EXT1: variants seen among roughly 807,000 people sequenced by gnomAD.
EXT1 encodes exostosin-1.
In EXT1, 20 loss-of-function variants were observed where a neutral mutation model predicts 82.5. That is an observed-to-expected ratio of 0.24 (90% CI 0.17 to 0.35). EXT1 has a LOEUF of 0.35. Among genes scored for constraint, EXT1 ranks in the 10% least tolerant of loss-of-function variants. EXT1 has a pLI of 1.00. For missense variants in EXT1, 757 were observed against 936.5 expected, an observed-to-expected ratio of 0.81 and a Z score of 2.50; for synonymous variants, 348 against 350.8, an observed-to-expected ratio of 0.99 and a Z score of 0.09.
At chr8:117,870,849 A>ACACACACACACACACAC (rs1563586218) in intron 1 of EXT1, among the ~76,000 whole-genome samples, 2 of 151,694 alleles carry the variant, frequency 1.3e-5, no homozygotes, top group African/African-American at 4.9e-5. Context: ...ACACACACAC[A>ACACACACACACACACAC]AAAGATTGAA....
intron 1 of EXT1, among the ~76,000 whole-genome samples, chr8:118,094,524 G>C (rs1231443882): frequency 6.6e-6 from 1 of 152,210 alleles, no homozygotes; most frequent in African/African-American, 2.4e-5. Context: ...GGAACAGACA[G>C]AATAATAATG....
chr8:118,092,037 T>TA (rs899645070), intron 1 of EXT1, among the ~76,000 whole-genome samples: 34 of 152,304 alleles, frequency 2.2e-4, no homozygotes, highest in Admixed American at 6.5e-4. Flanking sequence ...ACCTAATTGT[T>TA]ATTCAAGGTT....
chr8:117,808,953 C>T (rs902965827), intron 8 of EXT1, among the ~76,000 whole-genome samples: 14 of 151,800 alleles, frequency 9.2e-5, no homozygotes, highest in Admixed American at 2.0e-4. Flanking sequence ...TTTTGCCTGC[C>T]GGCTGAGCTG....
chr8:117,819,113 G>A (rs941075756), intron 6 of EXT1, among the ~76,000 whole-genome samples: 2 of 152,122 alleles, frequency 1.3e-5, no homozygotes, highest in Admixed American at 1.3e-4. Context: ...TTCTTTCCTT[G>A]TTTGTAAACC....
At chr8:117,860,964 T>C (rs887955909) in intron 1 of EXT1, among the ~76,000 whole-genome samples, 2 of 152,192 alleles carry the variant, frequency 1.3e-5, no homozygotes, top group Non-Finnish European at 2.9e-5. Flanking sequence ...TTAGTCCAAA[T>C]AGGGACGAAC....
In EXT1 at chr8:117,996,573, G is replaced by A. The variant is rs145120170; in HGVS notation, c.962+113512C>T. Among the ~76,000 whole-genome samples, 47 of 152,292 alleles carry A rather than the reference G, an allele frequency of 3.1e-4. 2 individuals are homozygous for A. Among genetic ancestry groups the A allele is most frequent in the Admixed American group, 2.2e-3 (33 of 15,300 alleles). On this transcript the variant is annotated intron_variant, in intron 1 of 10. Coordinates refer to ENST00000378204, the MANE Select transcript of EXT1 (RefSeq NM_000127.3). ...AACAAAGACAAGTCATCTGTGCACC[G>A]TCCTATCTTAATGCTTGGCCCCAGA...
chr8:117,882,695 G>A (rs528788883), intron 1 of EXT1, among the ~76,000 whole-genome samples: 4 of 152,010 alleles, frequency 2.6e-5, no homozygotes, highest in East Asian at 3.9e-4. Flanking sequence ...ATGATATGGC[G>A]GCCAGGCACA....
At chr8:117,969,845 G>A (rs769979108) in intron 1 of EXT1, among the ~76,000 whole-genome samples, 3 of 152,190 alleles carry the variant, frequency 2.0e-5, no homozygotes, top group Non-Finnish European at 2.9e-5. Flanking sequence ...GAATCAGAAC[G>A]GCAGTTCTCC....
At chr8:117,973,359 G>A (rs1814980063) in intron 1 of EXT1, among the ~76,000 whole-genome samples, 1 of 152,152 alleles carries the variant, frequency 6.6e-6, no homozygotes, top group Admixed American at 6.5e-5. Context: ...AGTGTTGTAT[G>A]GGAATATATA....
At chr8:118,056,935 C>T (rs781294490) in intron 1 of EXT1, among the ~76,000 whole-genome samples, 10 of 152,160 alleles carry the variant, frequency 6.6e-5, no homozygotes, top group Non-Finnish European at 1.5e-4. Flanking sequence ...TCACAACCAA[C>T]TATGCCATTA....
chr8:117,940,247 G>A (rs1489766809), intron 1 of EXT1, among the ~76,000 whole-genome samples: 1 of 152,258 alleles, frequency 6.6e-6, no homozygotes, highest in Non-Finnish European at 1.5e-5. Context: ...AGGCTGACTA[G>A]TGAGATGACA....
intron 1 of EXT1, among the ~76,000 whole-genome samples, chr8:117,889,947 G>T (rs1248266522): frequency 6.6e-6 from 1 of 151,968 alleles, no homozygotes; most frequent in East Asian, 1.9e-4. Context: ...GTTTTTATAT[G>T]AAAAAAATGA....
At chr8:118,075,235 T>TG (rs1817184742) in intron 1 of EXT1, among the ~76,000 whole-genome samples, 3 of 152,336 alleles carry the variant, frequency 2.0e-5, no homozygotes, top group Middle Eastern at 3.4e-3. Context: ...TGCACAGTGT[T>TG]GGAGTCTGAC....
Position 117,797,826 on chromosome 8 carries a change from T to C in EXT1, c.*1886A>G, listed in dbSNP as rs1179885410. The C allele has an allele frequency of 1.3e-5, 2 of 152,222 alleles. No individual in the cohort carries two copies. The highest frequency in any genetic ancestry group is 2.9e-5 in the Non-Finnish European group (2 of 68,044). The allele number at this position is 152,222 out of a possible 1,614,324, so 9.4% of individuals were successfully genotyped here. A position where few individuals can be genotyped will look rare whatever the true frequency, so the allele number is the denominator to read the frequency against. On this transcript the variant is annotated 3_prime_UTR_variant, in exon 11 of 11. Coordinates refer to ENST00000378204, the MANE Select transcript of EXT1 (RefSeq NM_000127.3). Reference sequence around the variant, plus strand: ...GGGGAAAATGTCACATGTTTGAGAATGGACTATGGATGGGTCCAATTAGAT... The same window carrying C: ...GGGGAAAATGTCACATGTTTGAGAACGGACTATGGATGGGTCCAATTAGAT...
intron 1 of EXT1, among the ~76,000 whole-genome samples, chr8:117,997,601 C>T (rs1009781331): frequency 1.3e-5 from 2 of 151,974 alleles, no homozygotes; most frequent in African/African-American, 4.8e-5. Context: ...AAGCCACTAA[C>T]TCAAACAGAA....
chr8:118,010,459 C>T (rs945679372), intron 1 of EXT1, among the ~76,000 whole-genome samples: 3 of 151,618 alleles, frequency 2.0e-5, no homozygotes, highest in African/African-American at 7.3e-5. Flanking sequence ...CAAATCTCAT[C>T]AAAACAAGCA....
intron 1 of EXT1, among the ~76,000 whole-genome samples, chr8:117,841,743 C>G (rs767996041): frequency 9.9e-5 from 15 of 151,718 alleles, no homozygotes; most frequent in Non-Finnish European, 1.8e-4. Context: ...AACCTAGACA[C>G]TAGTACCACT....
chr8:118,106,541 C>T (rs944807630), intron 1 of EXT1, among the ~76,000 whole-genome samples: 1 of 152,132 alleles, frequency 6.6e-6, no homozygotes, highest in Non-Finnish European at 1.5e-5. Context: ...AGGGAAATAC[C>T]AAAAAGAATT....
chr8:118,013,418 A>G (rs186203871), intron 1 of EXT1, among the ~76,000 whole-genome samples: 1 of 152,302 alleles, frequency 6.6e-6, no homozygotes, highest in Non-Finnish European at 1.5e-5. Flanking sequence ...CATGTTGGCC[A>G]GGCTGGTCTC....
Sources: allele counts gnomAD v4.1 joint callset (sites outside exome capture counted in the v4.1 genomes callset), GRCh38; gene constraint gnomAD v4.1.1; transcripts MANE v1.5; gene names NCBI Gene and HGNC (gene_info 2026-07-23, HGNC 2026-07-21).